The following DRAM2 variants were observed in gnomAD, a reference collection of about 807,000 sequenced individuals.
The protein encoded by DRAM2 is DNA damage regulated autophagy modulator 2, also known as DNA damage-regulated autophagy modulator protein 2.
In DRAM2, 26 loss-of-function variants were observed where a neutral mutation model predicts 33.5. The observed-to-expected ratio is 0.78, with a 90% confidence interval of 0.57 to 1.08. The LOEUF is 1.08. Ranked by LOEUF, DRAM2 falls within the 50% of genes least tolerant of loss-of-function variation. The pLI is 0.00. For synonymous variants in DRAM2, 98 were observed against 109.5 expected (o/e 0.89, Z 0.66); for missense variants, 311 against 318.1 (o/e 0.98, Z 0.17).
At chr1:111,125,322 A>G (rs1051702921) in intron 5 of DRAM2, 2 of 153,604 alleles carry the variant, frequency 1.3e-5, no homozygotes, top group Admixed American at 1.3e-4. Flanking sequence ...TAGCATCAGA[A>G]TCAGCACTAG....
intron 6 of DRAM2, among the ~76,000 whole-genome samples, chr1:111,121,656 TAG>T (rs756619455): frequency 5.3e-5 from 8 of 152,154 alleles, no homozygotes; most frequent in Non-Finnish European, 1.2e-4. Context: ...TTTTTTAAGT[TAG>T]ATTTTTCAAA....
At chr1:111,124,947 G>T in intron 5 of DRAM2, 66 bp from the exon 6 acceptor site, 1 of 1,479,776 alleles carries the variant, frequency 6.8e-7, no homozygotes. Flanking sequence ...TGCCAATGAA[G>T]AGTTCACAAA....
At chr1:111,118,715 A>C in intron 9 of DRAM2, 90 bp downstream of exon 9, 10 of 859,870 alleles carry the variant, frequency 1.2e-5, no homozygotes, top group Non-Finnish European at 1.7e-5. Context: ...AAAAGGCGGG[A>C]GAGTTGCCTA....
At chr1:111,121,222 T>A (rs1050723390) in intron 6 of DRAM2, among the ~76,000 whole-genome samples, 1 of 152,062 alleles carries the variant, frequency 6.6e-6, no homozygotes, top group African/African-American at 2.4e-5. Flanking sequence ...TAACTGTAAA[T>A]AAAATTTAAA....
chr1:111,136,920 G>C (rs1383120871), intron 3 of DRAM2, among the ~76,000 whole-genome samples: 1 of 151,984 alleles, frequency 6.6e-6, no homozygotes, highest in African/African-American at 2.4e-5. Flanking sequence ...GTTGCAGTGA[G>C]CTGAGATCGT....
chr1:111,124,107 C>T (rs1378589658), intron 6 of DRAM2, among the ~76,000 whole-genome samples: 1 of 152,176 alleles, frequency 6.6e-6, no homozygotes, highest in Non-Finnish European at 1.5e-5. Context: ...ACACCCTGCT[C>T]CACAGCTATG....
rs1649859554 is a variant in DRAM2, at chr1:111,120,609, G to C, written c.424C>G (p.Leu142Val). The change falls in exon 7 of 10, where the codon CTT becomes GTT. Residue 142 changes from leucine (L) to valine (V), a missense_variant. Transcript: ENST00000484310. ...GSLYMFVQTILSYQMQPKIHG... is the reference protein window; with the variant it reads ...GSLYMFVQTIVSYQMQPKIHG... ...ATTTTGGGCTGCATTTGGTAGGAAA[G>C]GATGGTCTGAACAAACATATATAAT... 6.2e-7 allele frequency: 1 copy of C among 1,612,062 alleles called. No homozygotes were observed. Among genetic ancestry groups the C allele is most frequent in the Non-Finnish European group, 8.5e-7 (1 of 1,178,786 alleles).
chr1:111,136,325 G>T (rs1653128821), intron 3 of DRAM2, among the ~76,000 whole-genome samples: 2 of 152,144 alleles, frequency 1.3e-5, no homozygotes, highest in South Asian at 4.1e-4. Context: ...CAGCACTTTG[G>T]GAGGCCGAGG....
At position 111,124,942 on chromosome 1, in the gene DRAM2, A is replaced by G. The variant is rs935447856; in HGVS notation, c.200-61T>C. The G allele has an allele frequency of 7.9e-6, 12 of 1,521,638 alleles. No homozygotes were observed. In the South Asian group the frequency reaches 9.4e-5, roughly 12 times the overall value. The allele number at this position is 1,521,638 out of a possible 1,614,324, so 94.3% of individuals were successfully genotyped here. ...AAATAATCAAGAAATAAAGTTGCCA[A>G]TGAAGAGTTCACAAAGGTCACTGCT... On this transcript the variant is annotated intron_variant, in intron 5 of 9. Coordinates refer to ENST00000484310, the MANE Select transcript of DRAM2 (RefSeq NM_001349884.2).
rs1015988968 is a variant in DRAM2, at chr1:111,124,728, G to A, written c.339+14C>T. The A allele has an allele frequency of 3.1e-6, 5 of 1,612,670 alleles. No homozygotes were observed. Among genetic ancestry groups the A allele is most frequent in the Non-Finnish European group, 4.2e-6 (5 of 1,179,346 alleles). ...TACTTAAGGAAAATACCTATGCTGG[G>A]CTAAAACACAAACCTGGAAGTTTGC... On this transcript the variant is annotated intron_variant, in intron 6 of 9. Coordinates refer to ENST00000484310, the MANE Select transcript of DRAM2 (RefSeq NM_001349884.2).
intron 6 of DRAM2, among the ~76,000 whole-genome samples, chr1:111,121,694 A>C (rs1480728972): frequency 6.6e-6 from 1 of 152,098 alleles, no homozygotes; most frequent in East Asian, 1.9e-4. Flanking sequence ...ATTATTAGGC[A>C]TCTCTTTAAA....
chr1:111,120,044 C>A (rs1408928548), intron 7 of DRAM2, 85 bp from the exon 8 acceptor site: 11 of 1,174,960 alleles, frequency 9.4e-6, no homozygotes, highest in Non-Finnish European at 1.4e-5. Context: ...ATTACTCACA[C>A]ATTTATTGCT....
chr1:111,131,524 G>C lies in DRAM2; in HGVS notation c.31C>G (p.Leu11Val), dbSNP rs770108040. 1 of 1,614,100 alleles carries C rather than the reference G, an allele frequency of 6.2e-7. No individual in the cohort carries two copies. Among genetic ancestry groups the C allele is most frequent in the South Asian group, 1.1e-5 (1 of 91,086 alleles). MWWFQQGLSF[L>V]PSALVIWTSA... ...GTCCAAATTACAAGGGCTGAAGGAA[G>C]GAAACTGAGGCCTTGCTGAAACCAC... is the stretch of plus-strand genomic sequence containing the variant. Residue 11 changes from leucine to valine, a missense_variant, in exon 4 of 10, where the codon CTT becomes GTT. Leu to Val is a conservative substitution (Grantham distance 32, BLOSUM62 1). Transcript: ENST00000484310.
Position 111,124,819 on chromosome 1 carries a change from T to C in DRAM2, c.262A>G (p.Ile88Val). 1.2e-6 allele frequency: 2 copies of C among 1,613,544 alleles called. No individual in the cohort carries two copies. The part of the protein sequence containing the change: ...VHALSPEENV[I>V]IKLNKAGLVL... ...AGGCCAGCCTTGTTTAATTTGATGA[T>C]AACGTTCTCTTCAGGACTCAGAGCA... The change falls in exon 6 of 10, where the codon ATC becomes GTC. Residue 88 changes from isoleucine to valine, a missense_variant. Coordinates refer to ENST00000484310, the MANE Select transcript of DRAM2 (RefSeq NM_001349884.2).
chr1:111,137,414 T>C (rs1361702780), intron 3 of DRAM2, 109 bp downstream of exon 3: 1 of 152,146 alleles, frequency 6.6e-6, no homozygotes, highest in Non-Finnish European at 1.5e-5. Flanking sequence ...TTAAATAGTA[T>C]AAAATAATAC....
intron 4 of DRAM2, among the ~76,000 whole-genome samples, chr1:111,128,266 T>C (rs1651423745): frequency 6.6e-6 from 1 of 151,568 alleles, no homozygotes; most frequent in Non-Finnish European, 1.5e-5. Flanking sequence ...ATTTTGCAGA[T>C]GAAGGAAATG....
intron 4 of DRAM2, among the ~76,000 whole-genome samples, chr1:111,126,964 T>C (rs1202497489): frequency 6.6e-6 from 1 of 152,232 alleles, no homozygotes; most frequent in Non-Finnish European, 1.5e-5. Context: ...TCCACCTGCA[T>C]GCCTGTCTTT....
intron 4 of DRAM2, among the ~76,000 whole-genome samples, chr1:111,130,649 G>A (rs866603573): frequency 6.6e-6 from 1 of 150,772 alleles, no homozygotes; most frequent in Non-Finnish European, 1.5e-5. Flanking sequence ...GCAGTGAGCC[G>A]AGATTGTGCC....
intron 4 of DRAM2, among the ~76,000 whole-genome samples, chr1:111,129,868 A>G (rs760567254): frequency 2.6e-5 from 4 of 152,218 alleles, no homozygotes; most frequent in Non-Finnish European, 5.9e-5. Flanking sequence ...TTGTACATAC[A>G]TGATAACAAG....
Sources: gnomAD v4.1 joint callset for allele counts (sites outside exome capture counted in the v4.1 genomes callset) on GRCh38, gnomAD v4.1.1 for gene constraint, MANE v1.5 for transcripts, NCBI Gene and HGNC (gene_info 2026-07-23, HGNC 2026-07-21) for gene names.